Variants in HACD1 observed in about 807,000 individuals in gnomAD.
The protein encoded by HACD1 is 3-hydroxyacyl-CoA dehydratase 1.
Under a neutral mutation model 32.0 loss-of-function variants are expected in HACD1, and 41 were observed. That is an observed-to-expected ratio of 1.28 (90% CI 1.00 to 1.66). The LOEUF (loss-of-function observed/expected upper bound fraction) is 1.66, where lower values mean the gene tolerates loss of function less well. Among genes scored for constraint, HACD1 ranks in the 40% most tolerant of loss-of-function variants. The pLI, the probability that HACD1 is intolerant of heterozygous loss-of-function variation, is 0.00. For missense variants in HACD1, 396 were observed against 380.1 expected, an observed-to-expected ratio of 1.04 and a Z score of -0.35; for synonymous variants, 142 against 139.0, an observed-to-expected ratio of 1.02 and a Z score of -0.15.
intron 1 of HACD1, among the ~76,000 whole-genome samples, chr10:17,614,979 C>T (rs527789922): frequency 4.5e-4 from 68 of 152,026 alleles, no homozygotes; most frequent in Non-Finnish European, 7.9e-4. Context: ...TTCTCGATCT[C>T]CTGACCTCGT....
intron 6 of HACD1, among the ~76,000 whole-genome samples, chr10:17,593,321 C>CTT (rs11372990): frequency 0.2 from 29,716 of 148,652 alleles, 3,172 homozygotes; most frequent in Non-Finnish European, 0.22. Context: ...GCCCCCACGC[C>CTT]TTTTTTTTTT....
In HACD1 at chr10:17,602,584, T is replaced by A. The variant is rs115174936; in HGVS notation, c.483+976A>T. ...TTGCATATATTTATGGTGTACAACA[T>A]GATGTTCTGAAATATGTACGCATTG... On this transcript the variant is annotated intron_variant, in intron 4 of 6. Coordinates refer to ENST00000361271, the MANE Select transcript of HACD1 (RefSeq NM_014241.4). Among the ~76,000 whole-genome samples, 241 of 152,328 alleles carry A rather than the reference T, an allele frequency of 1.6e-3. 1 individual carries two copies. Among genetic ancestry groups the A allele is most frequent in the African/African-American group, 4.8e-3 (199 of 41,570 alleles).
chr10:17,591,976 A>AATTTTT (rs1833933560), intron 6 of HACD1, among the ~76,000 whole-genome samples: 2 of 96,940 alleles, frequency 2.1e-5, no homozygotes, highest in African/African-American at 4.5e-5. Context: ...CCAGCTACTG[A>AATTTTT]TTTTTTTTTT....
intron 1 of HACD1, among the ~76,000 whole-genome samples, chr10:17,616,644 T>TAAA (rs11343373): frequency 6.3e-4 from 79 of 125,266 alleles, no homozygotes; most frequent in African/African-American, 2.1e-3. Context: ...TGCTGTGCTT[T>TAAA]AAAAAAAAAA....
intron 1 of HACD1, among the ~76,000 whole-genome samples, chr10:17,610,729 C>A (rs1331500424): frequency 1.3e-5 from 2 of 152,076 alleles, no homozygotes; most frequent in Middle Eastern, 3.2e-3. Context: ...CTAAGAACTT[C>A]ATATCCATTA....
At position 17,603,616 on chromosome 10, in the gene HACD1, C is replaced by T. The variant is rs782670671; in HGVS notation, c.427G>A (p.Val143Ile). 1.1e-5 allele frequency: 18 copies of T among 1,613,538 alleles called. No homozygotes were observed. In the South Asian group the frequency reaches 2.0e-4, roughly 18 times the overall value. The change falls in exon 4 of 7, where the codon GTC (valine) becomes ATC (isoleucine). Residue 143 changes from valine (V) to isoleucine (I), a missense_variant. Val to Ile is a conservative substitution (Grantham distance 29). Coordinates refer to ENST00000361271, the MANE Select transcript of HACD1 (RefSeq NM_014241.4). ...ATAAAGATTCTTGAACTCACTTGGA[C>T]CCCAGTCACAATCACAGAAGTAGGT... ...IVPTSVIVTG[V>I]QVSSRIFMVW...
chr10:17,593,608 C>G (rs1011404055), intron 6 of HACD1, among the ~76,000 whole-genome samples: 5 of 152,216 alleles, frequency 3.3e-5, no homozygotes, highest in African/African-American at 1.2e-4. Flanking sequence ...AGCCACGGAG[C>G]CCTGCCTCAC....
At chr10:17,603,671 C>T (rs370580269) in intron 3 of HACD1, 23 bp from the exon 4 acceptor site, 1 of 1,607,232 alleles carries the variant, frequency 6.2e-7, no homozygotes, top group African/African-American at 1.3e-5. Flanking sequence ...AACAAGTGAA[C>T]TATTGCCCTA....
intron 1 of HACD1, among the ~76,000 whole-genome samples, chr10:17,614,969 T>G (rs1408653018): frequency 6.6e-6 from 1 of 151,980 alleles, no homozygotes; most frequent in Non-Finnish European, 1.5e-5. Context: ...AGCCAAGATG[T>G]TCTCGATCTC....
chr10:17,612,904 G>C (rs1375600932), intron 1 of HACD1, among the ~76,000 whole-genome samples: 9 of 142,272 alleles, frequency 6.3e-5, no homozygotes, highest in African/African-American at 1.3e-4. Context: ...CTGGGTGATA[G>C]AGCAAGACTC....
chr10:17,594,063 A>G (rs1833963294), intron 6 of HACD1, 142 bp downstream of exon 6: 5 of 719,654 alleles, frequency 6.9e-6, no homozygotes, highest in Non-Finnish European at 9.7e-6. Context: ...TTCCCAAATT[A>G]TCAGTAAATA....
chr10:17,604,057 A>G lies in HACD1; in HGVS notation c.258-10T>C. The G allele has an allele frequency of 6.6e-7, 1 of 1,523,742 alleles. No homozygotes were observed. Among genetic ancestry groups the G allele is most frequent in the Non-Finnish European group, 8.9e-7 (1 of 1,125,392 alleles). The allele number at this position is 1,523,742 out of a possible 1,614,324, so 94.4% of individuals were successfully genotyped here. ...AGCTAGAACCAACCACCTAAAAAAA[A>G]AAAGTATTTCATAAAGTTCTTTCGA... On this transcript the variant is annotated splice_polypyrimidine_tract_variant and intron_variant, in intron 1 of 6. Coordinates refer to ENST00000361271, the MANE Select transcript of HACD1 (RefSeq NM_014241.4).
At position 17,617,316 on chromosome 10, in the gene HACD1, C is replaced by G. The variant is rs1833107886; in HGVS notation, c.24G>C (p.Ala8=). Reference sequence around the variant, plus strand: ...CAGCCCGAGAGCCGCTGCCCGCTGCCGCCGCTTCCGTCAGGCGCCCCATGT... The same window carrying G: ...CAGCCCGAGAGCCGCTGCCCGCTGCGGCCGCTTCCGTCAGGCGCCCCATGT... The part of the protein sequence containing the change: MGRLTEA[A]AAGSGSRAAG... The change falls in exon 1 of 7, where the codon GCG becomes GCC. Residue 8 remains alanine, a synonymous_variant. Coordinates refer to ENST00000361271, the MANE Select transcript of HACD1 (RefSeq NM_014241.4). 2.1e-6 allele frequency: 3 copies of G among 1,438,224 alleles called. No homozygotes were observed. Among genetic ancestry groups the G allele is most frequent in the Non-Finnish European group, 2.7e-6 (3 of 1,101,784 alleles). The allele number at this position is 1,438,224 out of a possible 1,614,324, so 89.1% of individuals were successfully genotyped here. A position where few individuals can be genotyped will look rare whatever the true frequency, so the allele number is the denominator to read the frequency against.
chr10:17,607,482 A>T (rs111553528), intron 1 of HACD1, among the ~76,000 whole-genome samples: 14 of 152,202 alleles, frequency 9.2e-5, no homozygotes, highest in African/African-American at 3.4e-4. Context: ...AAGTTTATTA[A>T]GATATTTTCA....
At chr10:17,596,595 C>G (rs782226348) in intron 5 of HACD1, among the ~76,000 whole-genome samples, 2 of 149,702 alleles carry the variant, frequency 1.3e-5, no homozygotes, top group African/African-American at 4.9e-5. Flanking sequence ...GAAATGGGAA[C>G]AAATTATATA....
In HACD1 at chr10:17,594,322, C is replaced by A; in HGVS notation, c.667G>T (p.Ala223Ser). 1 of 1,595,260 alleles carries A rather than the reference C, an allele frequency of 6.3e-7. No individual in the cohort carries two copies. Among genetic ancestry groups the A allele is most frequent in the Admixed American group, 1.7e-5 (1 of 57,516 alleles). Residue 223 changes from alanine (A) to serine (S), a missense_variant, in exon 6 of 7, where the codon GCT becomes TCT. Physicochemically the swap from Ala to Ser is moderately conservative, Grantham distance 99 (BLOSUM62 1). Coordinates refer to ENST00000361271, the MANE Select transcript of HACD1 (RefSeq NM_014241.4). ...GVAGELLTIY[A>S]ALPHVKKTGM... ...GTTTTCTTCACATGCGGCAAGGCAG[C>A]GTATATTGTAAGAAGTTCACCAGCA...
At chr10:17,606,184 A>T (rs554960330) in intron 1 of HACD1, among the ~76,000 whole-genome samples, 12 of 152,138 alleles carry the variant, frequency 7.9e-5, no homozygotes, top group Non-Finnish European at 1.2e-4. Context: ...AAAACAAGAG[A>T]GAGAGAAAGA....
intron 5 of HACD1, among the ~76,000 whole-genome samples, chr10:17,596,564 AG>A: frequency 6.6e-6 from 1 of 151,558 alleles, no homozygotes; most frequent in East Asian, 1.9e-4. Context: ...GAAAGTCTTA[AG>A]GGCAATGAAA....
chr10:17,608,839 A>C (rs1834186098), intron 1 of HACD1, among the ~76,000 whole-genome samples: 2 of 152,114 alleles, frequency 1.3e-5, no homozygotes, highest in African/African-American at 2.4e-5. Context: ...TTCTAGATAA[A>C]AGTTATACTT....
Sources: allele counts gnomAD v4.1 joint callset (sites outside exome capture counted in the v4.1 genomes callset), GRCh38; gene constraint gnomAD v4.1.1; transcripts MANE v1.5; gene names NCBI Gene and HGNC (gene_info 2026-07-23, HGNC 2026-07-21).